The following SPOCK1 variants were observed in gnomAD, a reference collection of about 807,000 sequenced individuals.
SPOCK1 encodes the protein testican-1.
A neutral mutation model predicts 55.3 loss-of-function variants in SPOCK1; 23 were observed. The observed-to-expected ratio is 0.42, with a 90% confidence interval of 0.30 to 0.59. The LOEUF is 0.59. SPOCK1 is among the 20% of genes least tolerant of loss of function. The pLI is 0.22. For missense variants in SPOCK1, 499 were observed against 552.5 expected, an observed-to-expected ratio of 0.90 and a Z score of 0.97; for synonymous variants, 226 against 221.0, an observed-to-expected ratio of 1.02 and a Z score of -0.20.
chr5:137,407,154 T>A (rs887288998), intron 2 of SPOCK1, among the ~76,000 whole-genome samples: 3 of 152,216 alleles, frequency 2.0e-5, no homozygotes, highest in African/African-American at 7.2e-5. Flanking sequence ...AGGACATAAT[T>A]TCATGGTCTG....
intron 6 of SPOCK1, among the ~76,000 whole-genome samples, chr5:137,060,583 C>A (rs1017705313): frequency 1.3e-5 from 2 of 151,960 alleles, no homozygotes; most frequent in African/African-American, 4.8e-5. Context: ...TGCACTTATA[C>A]CCCTAAAACT....
chr5:137,031,002 G>C (rs1027083641), intron 6 of SPOCK1, among the ~76,000 whole-genome samples: 3 of 152,086 alleles, frequency 2.0e-5, no homozygotes, highest in African/African-American at 7.2e-5. Context: ...AAAAGCCATA[G>C]TTTCTGTATT....
chr5:137,002,719 A>G (rs1445232686), intron 6 of SPOCK1, among the ~76,000 whole-genome samples: 1 of 152,204 alleles, frequency 6.6e-6, no homozygotes, highest in Admixed American at 6.5e-5. Flanking sequence ...ACCTAAAATC[A>G]GCAATGGCAA....
At chr5:137,287,101 C>T (rs1580847884) in intron 2 of SPOCK1, among the ~76,000 whole-genome samples, 3 of 152,212 alleles carry the variant, frequency 2.0e-5, no homozygotes, top group Non-Finnish European at 4.4e-5. Flanking sequence ...TTCAGTTGGT[C>T]CTGCAAGCTC....
intron 2 of SPOCK1, among the ~76,000 whole-genome samples, chr5:137,333,454 C>A (rs1164655596): frequency 6.6e-6 from 1 of 152,168 alleles, no homozygotes; most frequent in Non-Finnish European, 1.5e-5. Context: ...AGGTTGAGAC[C>A]CCCATGTTGG....
At chr5:137,286,399 G>A (rs1278076847) in intron 2 of SPOCK1, among the ~76,000 whole-genome samples, 2 of 152,190 alleles carry the variant, frequency 1.3e-5, no homozygotes, top group African/African-American at 4.8e-5. Context: ...GGGCTGCCAT[G>A]GATGGTTGTA....
chr5:137,482,060 T>G (rs776263911), intron 2 of SPOCK1, among the ~76,000 whole-genome samples: 5 of 152,292 alleles, frequency 3.3e-5, no homozygotes, highest in South Asian at 4.2e-4. Context: ...AGGGCAGAGA[T>G]AGCAACCCAT....
intron 6 of SPOCK1, among the ~76,000 whole-genome samples, chr5:137,034,526 G>A (rs1172789013): frequency 6.6e-6 from 1 of 152,132 alleles, no homozygotes; most frequent in East Asian, 1.9e-4. Flanking sequence ...TGTATTCCAA[G>A]CCCTATATAA....
rs149934100 is a variant in SPOCK1 at position 137,111,691 on chromosome 5, C to A, written c.474+744G>T. Among the ~76,000 whole-genome samples, 407 of 152,312 alleles carry A rather than the reference C, an allele frequency of 2.7e-3. 2 individuals are homozygous for A. Among genetic ancestry groups the A allele is most frequent in the African/African-American group, 9.0e-3 (373 of 41,560 alleles). On this transcript the variant is annotated intron_variant, in intron 5 of 10. Coordinates refer to ENST00000394945, the MANE Select transcript of SPOCK1 (RefSeq NM_004598.4). Reference sequence around the variant, plus strand: ...AACAAATTATCACCTCCTTTCTCTACTTCCATAACCCCTGCCTCCCTGCCT... The same window carrying A: ...AACAAATTATCACCTCCTTTCTCTAATTCCATAACCCCTGCCTCCCTGCCT...
chr5:137,412,807 A>G (rs1249244781), intron 2 of SPOCK1, among the ~76,000 whole-genome samples: 1 of 152,190 alleles, frequency 6.6e-6, no homozygotes, highest in Non-Finnish European at 1.5e-5. Flanking sequence ...AATAAAGCAA[A>G]ATAAATGTGC....
chr5:137,111,338 C>G (rs1464555209), intron 5 of SPOCK1, among the ~76,000 whole-genome samples: 1 of 152,124 alleles, frequency 6.6e-6, no homozygotes, highest in African/African-American at 2.4e-5. Flanking sequence ...GTCATGGGCT[C>G]CACTCTGCAA....
At chr5:137,362,956 T>C (rs949935648) in intron 2 of SPOCK1, among the ~76,000 whole-genome samples, 2 of 152,260 alleles carry the variant, frequency 1.3e-5, no homozygotes, top group Non-Finnish European at 1.5e-5. Flanking sequence ...TGTCAAAAGG[T>C]GGCAAGGCTC....
chr5:137,140,003 TC>T (rs1384136745), intron 4 of SPOCK1, among the ~76,000 whole-genome samples: 1 of 152,066 alleles, frequency 6.6e-6, no homozygotes, highest in African/African-American at 2.4e-5. Context: ...GGGGGATACT[TC>T]CCCCTGGGCT....
chr5:137,445,985 A>G (rs1753119471), intron 2 of SPOCK1, among the ~76,000 whole-genome samples: 1 of 152,196 alleles, frequency 6.6e-6, no homozygotes. Context: ...CAGCTTTGCC[A>G]TTAAACACTT....
intron 2 of SPOCK1, among the ~76,000 whole-genome samples, chr5:137,497,444 G>T (rs924752446): frequency 4.6e-5 from 7 of 152,174 alleles, no homozygotes; most frequent in African/African-American, 7.2e-5. Context: ...CTAATGTTAA[G>T]TACCATAAAA....
chr5:137,346,393 A>G (rs1326110339), intron 2 of SPOCK1, among the ~76,000 whole-genome samples: 1 of 152,154 alleles, frequency 6.6e-6, no homozygotes, highest in Non-Finnish European at 1.5e-5. Flanking sequence ...TATTTGACTC[A>G]ACTCTGCATT....
chr5:137,492,811 A>G (rs1242896501), intron 2 of SPOCK1, among the ~76,000 whole-genome samples: 4 of 152,238 alleles, frequency 2.6e-5, no homozygotes, highest in Admixed American at 6.5e-5. Flanking sequence ...AGGTGGAGAC[A>G]GGCAAGTAGC....
intron 6 of SPOCK1, among the ~76,000 whole-genome samples, chr5:137,024,315 G>GGCGGGGT (rs757163501): frequency 2.4e-4 from 2 of 8,320 alleles, no homozygotes; most frequent in Non-Finnish European, 1.7e-3. Context: ...CCAGTTTGAA[G>GGCGGGGT]GGGGGGGGGT....
rs115160399 is a variant in SPOCK1, at chr5:137,442,720, G to A, written c.186+55653C>T. The stretch of plus-strand genomic sequence containing the variant: ...AAGGAAGGAAATATTAAACAGGGAG[G>A]CATGTGCCAACAAGGAAAACAACAG... On this transcript the variant is annotated intron_variant, in intron 2 of 10. Transcript: ENST00000394945. Among the ~76,000 whole-genome samples, 399 of 152,340 alleles carry A rather than the reference G, an allele frequency of 2.6e-3. 1 individual carries two copies. Among genetic ancestry groups the A allele is most frequent in the African/African-American group, 9.2e-3 (384 of 41,568 alleles).
Sources: allele counts gnomAD v4.1 joint callset (sites outside exome capture counted in the v4.1 genomes callset), GRCh38; gene constraint gnomAD v4.1.1; transcripts MANE v1.5; gene names NCBI Gene and HGNC (gene_info 2026-07-23, HGNC 2026-07-21).